Variants in IGF2BP1 observed in about 807,000 individuals in gnomAD.
IGF2BP1 encodes the protein insulin-like growth factor 2 mRNA-binding protein 1.
In IGF2BP1, 11 loss-of-function variants were observed where a neutral mutation model predicts 74.9. That is an observed-to-expected ratio of 0.15 (90% CI 0.09 to 0.24). The LOEUF is 0.24. Ranked by LOEUF, IGF2BP1 falls within the 10% of genes least tolerant of loss-of-function variation. IGF2BP1 has a pLI of 1.00. For synonymous variants in IGF2BP1, 287 were observed against 281.8 expected (o/e 1.02, Z -0.18); for missense variants, 440 against 757.4 (o/e 0.58, Z 4.92).
At chr17:49,024,422 TAATG>T (rs1598141678) in intron 2 of IGF2BP1, among the ~76,000 whole-genome samples, 1 of 151,960 alleles carries the variant, frequency 6.6e-6, no homozygotes, top group African/African-American at 2.4e-5. Context: ...TTGTTAATAA[TAATG>T]ATAATAAAGA....
rs2042077467 is a variant in IGF2BP1 at position 49,043,616 on chromosome 17, A to T, written c.1200+66A>T. 2.5e-6 allele frequency: 4 copies of T among 1,571,400 alleles called. No homozygotes were observed. In the African/African-American group the frequency reaches 5.4e-5, roughly 21 times the overall value. On this transcript the variant is annotated intron_variant, in intron 10 of 14. Coordinates refer to ENST00000290341, the MANE Select transcript of IGF2BP1 (RefSeq NM_006546.4). The stretch of plus-strand genomic sequence containing the variant: ...ATGTGGCCTCCCTTAAGGGGGACTC[A>T]GCATGCTCTGGGAGTTGGATGCTTG...
rs1363979053 is a variant in IGF2BP1, at chr17:49,054,836, T to C, written c.*5392T>C. ...TCTTCAATGGGGGCCCAGTTGGCTCTAGAAGGAGAAGAGGTGAAGCAGGAT... is the reference window on the plus strand; with the variant it reads ...TCTTCAATGGGGGCCCAGTTGGCTCCAGAAGGAGAAGAGGTGAAGCAGGAT... On this transcript the variant is annotated 3_prime_UTR_variant, in exon 15 of 15. Transcript: ENST00000290341. 6.6e-6 allele frequency: 1 copy of C among 152,252 alleles called. No homozygotes were observed. Among genetic ancestry groups the C allele is most frequent in the Non-Finnish European group, 1.5e-5 (1 of 68,054 alleles). 9.4% of individuals were successfully genotyped at this position (152,252 alleles called of 1,614,324 possible).
chr17:49,040,618 TGTATTCACTTGTGC>T (rs2042040882), intron 7 of IGF2BP1, among the ~76,000 whole-genome samples: 1 of 152,268 alleles, frequency 6.6e-6, no homozygotes, highest in South Asian at 2.1e-4. Context: ...TGTGCCTGTG[TGTATTCACTTGTGC>T]GTGTATGCAC....
chr17:49,017,573 T>A lies in IGF2BP1; in HGVS notation c.237-8045T>A, dbSNP rs995699234. ...GGAGGGTACTTAAGTTTTAGAAATC[T>A]AGTATTCTAAACTAGATTAAAATTA... is the stretch of plus-strand genomic sequence containing the variant. On this transcript the variant is annotated intron_variant, in intron 2 of 14. Transcript: ENST00000290341. Among the ~76,000 whole-genome samples, 6 of 152,220 alleles carry A rather than the reference T, an allele frequency of 3.9e-5. 1 individual carries two copies. Among genetic ancestry groups the A allele is most frequent in the African/African-American group, 1.4e-4 (6 of 41,446 alleles).
intron 2 of IGF2BP1, among the ~76,000 whole-genome samples, chr17:49,001,009 AT>A (rs2041482720): frequency 6.6e-6 from 1 of 151,430 alleles, no homozygotes; most frequent in Non-Finnish European, 1.5e-5. Context: ...TCCTGAAATA[AT>A]TTTTTTAGCC....
chr17:49,046,404 G>A, intron 14 of IGF2BP1, 31 bp downstream of exon 14: 2 of 1,506,060 alleles, frequency 1.3e-6, no homozygotes, highest in Middle Eastern at 1.7e-4. Context: ...TTGAGGGAGG[G>A]CTGCAGGAGC....
rs2143893273 is a variant in IGF2BP1, at chr17:48,997,679, AG to A, written c.-65del. Reference sequence around the variant, plus strand: ...CGGCCTCTCCGCCTCTTGGCCTAGGAGGCTCGCCGCCCGCGCCCGCTCGTTC... The same window carrying A: ...CGGCCTCTCCGCCTCTTGGCCTAGGAGCTCGCCGCCCGCGCCCGCTCGTTC... On this transcript the variant is annotated 5_prime_UTR_variant, in exon 1 of 15. Coordinates refer to ENST00000290341, the MANE Select transcript of IGF2BP1 (RefSeq NM_006546.4). This position sits in a 1 kb window ranked among gnomAD's most constrained non-coding sequence, Gnocchi z 4.8. 3.9e-6 allele frequency: 6 copies of A among 1,546,818 alleles called. No homozygotes were observed. Among genetic ancestry groups the A allele is most frequent in the Non-Finnish European group, 5.3e-6 (6 of 1,135,446 alleles).
chr17:49,007,254 C>G (rs1052744510), intron 2 of IGF2BP1, among the ~76,000 whole-genome samples: 14 of 152,046 alleles, frequency 9.2e-5, no homozygotes, highest in Admixed American at 9.2e-4. Flanking sequence ...CCCTAGATAC[C>G]CAGGGGGTGA....
rs552556313 is a variant in IGF2BP1, at chr17:49,014,464, A to G, written c.237-11154A>G. 2.2e-4 allele frequency among the ~76,000 whole-genome samples: 34 copies of G among 151,506 alleles called. No homozygotes were observed. In the South Asian group the frequency reaches 6.9e-3, roughly 31 times the overall value. ...ATAGGCGAGAACCATCTTGGAAGGC[A>G]CTCAGTCCTCCCAGACAGGATCCTT... On this transcript the variant is annotated intron_variant, in intron 2 of 14. Coordinates refer to ENST00000290341, the MANE Select transcript of IGF2BP1 (RefSeq NM_006546.4).
intron 2 of IGF2BP1, among the ~76,000 whole-genome samples, chr17:49,007,627 C>G (rs1005786274): frequency 2.6e-5 from 4 of 152,154 alleles, no homozygotes; most frequent in African/African-American, 9.7e-5. Flanking sequence ...GATGTATTGC[C>G]TCTTTCTGGA....
chr17:49,046,171 G>A, intron 13 of IGF2BP1, 89 bp from the exon 14 acceptor site: 1 of 1,443,786 alleles, frequency 6.9e-7, no homozygotes, highest in African/African-American at 1.4e-5. Flanking sequence ...ACTCTTCCAG[G>A]TTCTCCCCAC....
chr17:49,006,171 A>G (rs985849134), intron 2 of IGF2BP1, among the ~76,000 whole-genome samples: 4 of 152,200 alleles, frequency 2.6e-5, no homozygotes, highest in Non-Finnish European at 4.4e-5. Context: ...AGTTGATTGG[A>G]TATAGTTAGG....
intron 2 of IGF2BP1, among the ~76,000 whole-genome samples, chr17:49,006,294 T>C (rs930924603): frequency 1.3e-5 from 2 of 152,186 alleles, no homozygotes; most frequent in African/African-American, 2.4e-5. Flanking sequence ...TCAAAATTCT[T>C]AAGGCTCCAG....
intron 5 of IGF2BP1, chr17:49,037,326 C>T (rs913148987): frequency 2.0e-6 from 1 of 499,436 alleles, no homozygotes. Flanking sequence ...CTATAATGAT[C>T]CAGCCTTTTA....
At chr17:49,047,605 A>T (rs1025942772) in intron 14 of IGF2BP1, among the ~76,000 whole-genome samples, 1 of 152,122 alleles carries the variant, frequency 6.6e-6, no homozygotes, top group African/African-American at 2.4e-5. Flanking sequence ...ATTTTAGCTG[A>T]TCAGAATGAG....
intron 9 of IGF2BP1, among the ~76,000 whole-genome samples, chr17:49,042,682 AT>A (rs2042065220): frequency 6.6e-6 from 1 of 151,380 alleles, no homozygotes; most frequent in Non-Finnish European, 1.5e-5. Flanking sequence ...TCTGATTTTT[AT>A]TTTATTTTTT....
chr17:49,050,349 A>G lies in IGF2BP1; in HGVS notation c.*905A>G, dbSNP rs536388993. On this transcript the variant is annotated 3_prime_UTR_variant, in exon 15 of 15. Transcript: ENST00000290341. ...TCTCAGGCGGATTTTATATTTTTTTAAAGTCTATTTTAATGATTGGATATG... is the reference window on the plus strand; with the variant it reads ...TCTCAGGCGGATTTTATATTTTTTTGAAGTCTATTTTAATGATTGGATATG... The G allele has an allele frequency of 2.0e-5, 3 of 152,684 alleles. No homozygotes were observed. The highest frequency in any genetic ancestry group is 2.1e-4 in the South Asian group (1 of 4,824). 9.5% of individuals were successfully genotyped at this position (152,684 alleles called of 1,614,324 possible).
intron 2 of IGF2BP1, chr17:49,012,598 T>C (rs931314825): frequency 6.6e-6 from 1 of 152,108 alleles, no homozygotes; most frequent in African/African-American, 2.4e-5. Flanking sequence ...CACGGGAAAA[T>C]GGGAGCTTGA....
intron 2 of IGF2BP1, among the ~76,000 whole-genome samples, chr17:49,009,964 T>C (rs568246839): frequency 1.7e-4 from 26 of 149,488 alleles, no homozygotes; most frequent in Non-Finnish European, 1.5e-5. Flanking sequence ...CCTGTAATCC[T>C]AGCTACTCGG....
Sources: allele counts gnomAD v4.1 joint callset (sites outside exome capture counted in the v4.1 genomes callset), GRCh38; gene constraint gnomAD v4.1.1; non-coding constraint Gnocchi (gnomAD v3.1); transcripts MANE v1.5; gene names NCBI Gene and HGNC (gene_info 2026-07-23, HGNC 2026-07-21).